BMPR2: variants seen among roughly 807,000 people sequenced by gnomAD.
BMPR2 encodes bone morphogenetic protein receptor type 2, also known as bone morphogenetic protein receptor type-2.
In BMPR2, 29 loss-of-function variants were observed where a neutral mutation model predicts 100.8. That is an observed-to-expected ratio of 0.29 (90% CI 0.21 to 0.39). BMPR2 has a LOEUF of 0.39. BMPR2 is among the 10% of genes least tolerant of loss of function. The pLI, the probability that BMPR2 is intolerant of heterozygous loss-of-function variation, is 1.00. For synonymous variants in BMPR2, 382 were observed against 442.3 expected (o/e 0.86, Z 1.71); for missense variants, 1,011 against 1,274.5 (o/e 0.79, Z 3.15).
At chr2:202,389,028 G>A (rs1307185271) in intron 1 of BMPR2, among the ~76,000 whole-genome samples, 2 of 151,720 alleles carry the variant, frequency 1.3e-5, no homozygotes, top group African/African-American at 4.8e-5. Context: ...CCTAGAGTTC[G>A]AGACCAGCCT....
chr2:202,526,712 A>G (rs1687917998), intron 7 of BMPR2, among the ~76,000 whole-genome samples: 1 of 152,232 alleles, frequency 6.6e-6, no homozygotes, highest in Non-Finnish European at 1.5e-5. Context: ...ATGTAGGCTG[A>G]AAAGAATGAT....
At chr2:202,509,299 A>G (rs1017155728) in intron 3 of BMPR2, among the ~76,000 whole-genome samples, 1 of 152,098 alleles carries the variant, frequency 6.6e-6, no homozygotes, top group Non-Finnish European at 1.5e-5. Context: ...GGCTATAAAA[A>G]GCTTTTGTTG....
intron 1 of BMPR2, among the ~76,000 whole-genome samples, chr2:202,397,739 A>T (rs1042682126): frequency 1.3e-5 from 2 of 151,546 alleles, no homozygotes; most frequent in Non-Finnish European, 1.5e-5. Flanking sequence ...AGCTCAAGCA[A>T]TCCTCCCACC....
At chr2:202,434,521 A>G (rs1691567445) in intron 1 of BMPR2, among the ~76,000 whole-genome samples, 1 of 150,532 alleles carries the variant, frequency 6.6e-6, no homozygotes, top group Non-Finnish European at 1.5e-5. Context: ...GCTCCTGCTC[A>G]TTCCTGTCAT....
intron 2 of BMPR2, 115 bp from the exon 3 acceptor site, chr2:202,467,404 G>C: frequency 1.1e-6 from 1 of 919,254 alleles, no homozygotes; most frequent in Non-Finnish European, 1.7e-6. Context: ...TTGCAAAACT[G>C]TTTCATAGCT....
At position 202,519,199 on chromosome 2, in the gene BMPR2, C is replaced by T. The variant is rs949761855; in HGVS notation, c.852+147C>T. The T allele has an allele frequency of 1.6e-5, 13 of 802,134 alleles. No homozygotes were observed. In the African/African-American group the frequency reaches 1.7e-4, roughly 11 times the overall value. 49.7% of individuals were successfully genotyped at this position (802,134 alleles called of 1,614,324 possible). ...CAACATGGCAAAACTCCCGTCTCTA[C>T]TAAAAATACAAAAATTAGCCGGGTA... On this transcript the variant is annotated intron_variant, in intron 6 of 12. Coordinates refer to ENST00000374580, the MANE Select transcript of BMPR2 (RefSeq NM_001204.7).
chr2:202,529,006 CTATT>C (rs1687967715), intron 7 of BMPR2, among the ~76,000 whole-genome samples: 4 of 152,188 alleles, frequency 2.6e-5, no homozygotes, highest in East Asian at 1.9e-4. Flanking sequence ...AGAATTGAAC[CTATT>C]TATTTATTTG....
At chr2:202,534,765 GA>G (rs1688097965) in intron 9 of BMPR2, among the ~76,000 whole-genome samples, 2 of 152,160 alleles carry the variant, frequency 1.3e-5, no homozygotes, top group Non-Finnish European at 2.9e-5. Flanking sequence ...CGTTCTCAAT[GA>G]GCTGTTGGGC....
intron 1 of BMPR2, among the ~76,000 whole-genome samples, chr2:202,409,302 G>A (rs1484570321): frequency 6.6e-6 from 1 of 152,108 alleles, no homozygotes; most frequent in Non-Finnish European, 1.5e-5. Flanking sequence ...AGCTGAGATC[G>A]CGCCACTTCA....
At chr2:202,527,868 A>G (rs1687947487) in intron 7 of BMPR2, among the ~76,000 whole-genome samples, 2 of 152,094 alleles carry the variant, frequency 1.3e-5, no homozygotes, top group Non-Finnish European at 2.9e-5. Flanking sequence ...TTGACTTACA[A>G]TGGGATTACA....
rs531592492 is a variant in BMPR2, at chr2:202,506,760, C to T, written c.419-6959C>T. On this transcript the variant is annotated intron_variant, in intron 3 of 12. Coordinates refer to ENST00000374580, the MANE Select transcript of BMPR2 (RefSeq NM_001204.7). ...CTAAAAATACAAAAAATTAGTTGGGCGTGGTGGCATGTGCCTGTAATCCCA... is the reference window on the plus strand; with the variant it reads ...CTAAAAATACAAAAAATTAGTTGGGTGTGGTGGCATGTGCCTGTAATCCCA... Among the ~76,000 whole-genome samples the T allele has an allele frequency of 3.9e-5, 6 of 152,022 alleles. No individual in the cohort carries two copies. The South Asian group carries it at 8.3e-4, about 21-fold the overall frequency.
At chr2:202,475,997 C>T (rs978121849) in intron 3 of BMPR2, among the ~76,000 whole-genome samples, 2 of 150,476 alleles carry the variant, frequency 1.3e-5, no homozygotes, top group Admixed American at 1.3e-4. Context: ...TCGCTTGAAC[C>T]TGGGAGGCGG....
intron 3 of BMPR2, among the ~76,000 whole-genome samples, chr2:202,477,938 T>C (rs1341598700): frequency 1.3e-5 from 2 of 152,198 alleles, no homozygotes; most frequent in Non-Finnish European, 1.5e-5. Flanking sequence ...AATTCCGTTT[T>C]GCCCCCCTTT....
intron 3 of BMPR2, among the ~76,000 whole-genome samples, chr2:202,499,386 G>C (rs1687315206): frequency 6.6e-6 from 1 of 151,320 alleles, no homozygotes; most frequent in African/African-American, 2.4e-5. Flanking sequence ...GCTGAAGAAA[G>C]GGACAAATTC....
In BMPR2 at chr2:202,438,269, C is replaced by T. The variant is rs1361094338; in HGVS notation, c.77-26540C>T. Among the ~76,000 whole-genome samples the T allele has an allele frequency of 1.3e-5, 2 of 150,336 alleles. 1 individual carries two copies. The highest frequency in any genetic ancestry group is 5.0e-5 in the African/African-American group (2 of 39,736). ...TGGAGGTTGCGGTGAGCCAAGATCA[C>T]GCCATTGCACTCCAGCCTGGGCAAC... On this transcript the variant is annotated intron_variant, in intron 1 of 12. Transcript: ENST00000374580.
chr2:202,432,511 A>G (rs1231887723), intron 1 of BMPR2, among the ~76,000 whole-genome samples: 2 of 150,442 alleles, frequency 1.3e-5, no homozygotes, highest in Non-Finnish European at 2.9e-5. Context: ...GTCTTACCAT[A>G]TGTGGGACAG....
intron 1 of BMPR2, among the ~76,000 whole-genome samples, chr2:202,421,133 C>G (rs1238095830): frequency 6.6e-6 from 1 of 151,746 alleles, no homozygotes; most frequent in African/African-American, 2.4e-5. Context: ...CGACTATAAT[C>G]CCAGGTACCC....
At chr2:202,522,927 A>G (rs1349554988) in intron 7 of BMPR2, among the ~76,000 whole-genome samples, 1 of 152,232 alleles carries the variant, frequency 6.6e-6, no homozygotes, top group African/African-American at 2.4e-5. Context: ...TTCAAAAGAA[A>G]CTATCCACGG....
At chr2:202,498,723 G>A (rs909019768) in intron 3 of BMPR2, among the ~76,000 whole-genome samples, 33 of 151,986 alleles carry the variant, frequency 2.2e-4, no homozygotes, top group African/African-American at 7.0e-4. Flanking sequence ...AAAAAGAGGC[G>A]GCTCATTTTT....
Sources: gnomAD v4.1 joint callset for allele counts (sites outside exome capture counted in the v4.1 genomes callset) on GRCh38, gnomAD v4.1.1 for gene constraint, MANE v1.5 for transcripts, NCBI Gene and HGNC (gene_info 2026-07-23, HGNC 2026-07-21) for gene names.